TANK: variants seen among roughly 807,000 people sequenced by gnomAD.
The protein encoded by TANK is TRAF family member-associated NF-kappa-B activator.
A neutral mutation model predicts 43.6 loss-of-function variants in TANK; 15 were observed. That is an observed-to-expected ratio of 0.34 (90% CI 0.23 to 0.53). The LOEUF (loss-of-function observed/expected upper bound fraction) is 0.53, where lower values mean the gene tolerates loss of function less well. Ranked by LOEUF, TANK falls within the 20% of genes least tolerant of loss-of-function variation. The pLI is 0.94. For missense variants in TANK, 417 were observed against 498.6 expected (o/e 0.84, Z 1.56); for synonymous variants, 162 against 178.2 (o/e 0.91, Z 0.73).
intron 2 of TANK, among the ~76,000 whole-genome samples, chr2:161,186,304 C>G (rs762140448): frequency 5.9e-5 from 9 of 152,234 alleles, no homozygotes; most frequent in Non-Finnish European, 7.3e-5. Context: ...GCCTTTCTAC[C>G]ACATGGGCTT....
At chr2:161,137,522 T>G (rs1056812188) in intron 1 of TANK, among the ~76,000 whole-genome samples, 1 of 152,228 alleles carries the variant, frequency 6.6e-6, no homozygotes, top group African/African-American at 2.4e-5. Context: ...CAATGAATGA[T>G]TTTTATAACA....
At chr2:161,233,014 T>C (rs1292622698) in intron 7 of TANK, 3 of 696,562 alleles carry the variant, frequency 4.3e-6, no homozygotes, top group Non-Finnish European at 6.7e-6. Flanking sequence ...AAAAAACCTT[T>C]TAAGCTATTT....
chr2:161,153,415 T>C (rs1230337781), intron 1 of TANK, among the ~76,000 whole-genome samples: 1 of 151,946 alleles, frequency 6.6e-6, no homozygotes. Context: ...CTGGGTGTGA[T>C]CCCTATTCAC....
At chr2:161,148,097 C>A (rs957690089) in intron 1 of TANK, among the ~76,000 whole-genome samples, 1 of 152,156 alleles carries the variant, frequency 6.6e-6, no homozygotes, top group Non-Finnish European at 1.5e-5. Flanking sequence ...AAGGAACTGG[C>A]AAATTATTTT....
upstream of TANK, among the ~76,000 whole-genome samples, chr2:161,157,451 C>G (rs1365216651): frequency 6.6e-6 from 1 of 152,134 alleles, no homozygotes; most frequent in Non-Finnish European, 1.5e-5. Flanking sequence ...TCATGTTTTT[C>G]TGATTTTTCA....
chr2:161,192,595 C>T (rs1428665924), intron 2 of TANK, among the ~76,000 whole-genome samples: 1 of 152,076 alleles, frequency 6.6e-6, no homozygotes, highest in Non-Finnish European at 1.5e-5. Flanking sequence ...CTGGTACAGC[C>T]CTCATTCTAG....
chr2:161,151,598 TG>T (rs1684083700), intron 1 of TANK, among the ~76,000 whole-genome samples: 1 of 152,198 alleles, frequency 6.6e-6, no homozygotes, highest in Non-Finnish European at 1.5e-5. Context: ...ATCTCTCTTT[TG>T]GTTACTGTTT....
chr2:161,235,348 T>C lies in TANK; in HGVS notation c.1108T>C (p.Trp370Arg). The change falls in exon 8 of 8, where the codon TGG (tryptophan) becomes CGG (arginine). Residue 370 changes from tryptophan (W) to arginine (R), a missense_variant. Physicochemically the swap from Trp to Arg is moderately radical, Grantham distance 101. Coordinates refer to ENST00000392749, the MANE Select transcript of TANK (RefSeq NM_001199135.3). The stretch of plus-strand genomic sequence containing the variant: ...TTTTGTTTGTTTCCTGCAGCCCATT[T>C]GGAAGCCCTTTCCTAATCAAGACAG... ...KAIRGPQQPI[W>R]KPFPNQDSDS... is the part of the protein sequence containing the mutation. The C allele has an allele frequency of 6.3e-7, 1 of 1,591,922 alleles. No individual in the cohort carries two copies. The highest frequency in any genetic ancestry group is 8.5e-7 in the Non-Finnish European group (1 of 1,169,776).
upstream of TANK, among the ~76,000 whole-genome samples, chr2:161,157,018 G>A (rs1364676898): frequency 6.6e-6 from 1 of 152,180 alleles, no homozygotes; most frequent in African/African-American, 2.4e-5. Flanking sequence ...TATTCTCTAG[G>A]CCGTAGCTCC....
At chr2:161,171,668 C>T (rs1446006763) in intron 1 of TANK, among the ~76,000 whole-genome samples, 1 of 152,166 alleles carries the variant, frequency 6.6e-6, no homozygotes, top group Non-Finnish European at 1.5e-5. Context: ...AAAAGGTCCT[C>T]TATCTCTTGA....
At chr2:161,223,399 TCTTTTAAATG>T (rs559603965) in intron 4 of TANK, 2 of 152,072 alleles carry the variant, frequency 1.3e-5, no homozygotes, top group Non-Finnish European at 2.9e-5. Flanking sequence ...TCTTTATAAA[TCTTTTAAATG>T]CTTGTTGAAT....
intron 1 of TANK, among the ~76,000 whole-genome samples, chr2:161,179,124 A>G (rs1278319466): frequency 2.0e-5 from 3 of 152,096 alleles, no homozygotes; most frequent in African/African-American, 7.2e-5. Flanking sequence ...GAACATTTTC[A>G]CACATTTTAA....
intron 1 of TANK, among the ~76,000 whole-genome samples, chr2:161,177,808 A>C (rs1193530406): frequency 6.6e-6 from 1 of 152,118 alleles, no homozygotes; most frequent in Non-Finnish European, 1.5e-5. Flanking sequence ...GAATATATAA[A>C]GAACTTTTAA....
intron 1 of TANK, chr2:161,137,286 G>A: frequency 1.0e-6 from 1 of 975,576 alleles, no homozygotes; most frequent in Non-Finnish European, 1.2e-6. Context: ...CACTTTGGGA[G>A]GCCAAGGTAA....
At chr2:161,181,692 G>C (rs1372962088) in intron 2 of TANK, among the ~76,000 whole-genome samples, 1 of 152,034 alleles carries the variant, frequency 6.6e-6, no homozygotes, top group East Asian at 1.9e-4. Context: ...ATAGCATGGG[G>C]AAAATCCGCC....
At chr2:161,150,965 ATT>A (rs1265118358) in intron 1 of TANK, among the ~76,000 whole-genome samples, 1 of 152,142 alleles carries the variant, frequency 6.6e-6, no homozygotes, top group Non-Finnish European at 1.5e-5. Flanking sequence ...CATCCCATAT[ATT>A]TTGATACATT....
chr2:161,199,119 TCTTC>T (rs1342791808), intron 2 of TANK, among the ~76,000 whole-genome samples: 3 of 152,214 alleles, frequency 2.0e-5, no homozygotes, highest in Non-Finnish European at 4.4e-5. Flanking sequence ...TATTTAATTA[TCTTC>T]CTTCATGAAC....
At chr2:161,228,691 CACTCACCATTA>C (rs1687757049) in intron 6 of TANK, among the ~76,000 whole-genome samples, 1 of 152,180 alleles carries the variant, frequency 6.6e-6, no homozygotes, top group Admixed American at 6.5e-5. Context: ...CCTTCACATT[CACTCACCATTA>C]ACTCACTGAC....
chr2:161,196,278 T>C (rs1368169688), intron 2 of TANK, among the ~76,000 whole-genome samples: 1 of 151,908 alleles, frequency 6.6e-6, no homozygotes, highest in Non-Finnish European at 1.5e-5. Flanking sequence ...TTGGGGGAAA[T>C]CATCAGTTTT....
Sources: allele counts gnomAD v4.1 joint callset (sites outside exome capture counted in the v4.1 genomes callset), GRCh38; gene constraint gnomAD v4.1.1; transcripts MANE v1.5; gene names NCBI Gene and HGNC (gene_info 2026-07-23, HGNC 2026-07-21).